The following NDC1 variants were observed in gnomAD, a reference collection of about 807,000 sequenced individuals.
NDC1 encodes the protein nucleoporin NDC1.
In NDC1, 24 loss-of-function variants were observed where a neutral mutation model predicts 89.8. That is an observed-to-expected ratio of 0.27 (90% confidence interval 0.19 to 0.38). NDC1 has a LOEUF of 0.38. Among genes scored for constraint, NDC1 ranks in the 10% least tolerant of loss-of-function variants. NDC1 has a pLI of 1.00. For missense variants in NDC1, 728 were observed against 797.6 expected, an observed-to-expected ratio of 0.91 and a Z score of 1.05; for synonymous variants, 296 against 284.8, an observed-to-expected ratio of 1.04 and a Z score of -0.39.
Position 53,832,605 on chromosome 1 carries a change from G to C in NDC1, c.179-14C>G. 7.4e-7 allele frequency: 1 copy of C among 1,353,960 alleles called. No individual in the cohort carries two copies. The highest frequency in any genetic ancestry group is 1.1e-6 in the Non-Finnish European group (1 of 946,984). 83.9% of individuals were successfully genotyped at this position (1,353,960 alleles called of 1,614,324 possible). The stretch of plus-strand genomic sequence containing the variant: ...CACTGAAAGAATCTAAAACACAAGA[G>C]AGATGAATTAGTAAAGGTTATTCAG... On this transcript the variant is annotated splice_polypyrimidine_tract_variant and intron_variant, in intron 2 of 17. Coordinates refer to ENST00000371429, the MANE Select transcript of NDC1 (RefSeq NM_018087.5).
At chr1:53,778,200 G>A (rs1647177364) in intron 16 of NDC1, among the ~76,000 whole-genome samples, 1 of 148,412 alleles carries the variant, frequency 6.7e-6, no homozygotes, top group Admixed American at 6.7e-5. Flanking sequence ...ATCCGATTAA[G>A]GGGATTCTAC....
intron 6 of NDC1, among the ~76,000 whole-genome samples, chr1:53,815,489 C>A (rs1345995257): frequency 1.3e-5 from 2 of 152,146 alleles, no homozygotes; most frequent in African/African-American, 4.8e-5. Flanking sequence ...AAGCCACAGC[C>A]AACATAACAC....
At chr1:53,772,663 T>TAACATAACAA (rs1647125807) in intron 16 of NDC1, among the ~76,000 whole-genome samples, 174 bp from the exon 17 acceptor site, 1 of 69,838 alleles carries the variant, frequency 1.4e-5, no homozygotes, top group African/African-American at 4.4e-5. Flanking sequence ...TGTCTCAAAA[T>TAACATAACAA]AACATAACAT....
rs778857470 is a variant in NDC1, at chr1:53,797,023, C to T, written c.1344G>A (p.Gly448=). ...TCATTACACTAGAGCCAAATGGGGT[C>T]CCAAATGGGCTCACAACATCAGGTG... The part of the protein sequence containing the change: ...LSTPDVVSPF[G]TPFGSSVMNR... Residue 448 remains glycine, a synonymous_variant, in exon 12 of 18, where the codon GGG becomes GGA. Transcript: ENST00000371429. The T allele has an allele frequency of 7.4e-6, 12 of 1,614,130 alleles. No individual in the cohort carries two copies. The highest frequency in any genetic ancestry group is 1.6e-4 in the Middle Eastern group (1 of 6,062).
intron 2 of NDC1, among the ~76,000 whole-genome samples, 173 bp downstream of exon 2, chr1:53,835,327 A>T (rs1228427502): frequency 2.0e-5 from 3 of 152,256 alleles, no homozygotes; most frequent in Non-Finnish European, 4.4e-5. Context: ...ATTACATAAT[A>T]AAAAGGTGAT....
chr1:53,826,661 C>CTT (rs1648874239), intron 4 of NDC1, among the ~76,000 whole-genome samples: 1 of 152,088 alleles, frequency 6.6e-6, no homozygotes, highest in Non-Finnish European at 1.5e-5. Flanking sequence ...TCTCAAACTC[C>CTT]TTTGAGAGTT....
chr1:53,836,536 C>A (rs555604587), intron 1 of NDC1, among the ~76,000 whole-genome samples: 1 of 151,890 alleles, frequency 6.6e-6, no homozygotes, highest in East Asian at 1.9e-4. Context: ...TCGCTCTGTC[C>A]CCCAGGCTAG....
In NDC1 at chr1:53,803,991, G is replaced by C; in HGVS notation, c.1003C>G (p.Leu335Val). 6.2e-7 allele frequency: 1 copy of C among 1,613,726 alleles called. No homozygotes were observed. The highest frequency in any genetic ancestry group is 8.5e-7 in the Non-Finnish European group (1 of 1,179,732). The change falls in exon 10 of 18, where the codon CTG becomes GTG. Residue 335 changes from leucine (L) to valine (V), a missense_variant. Physicochemically the swap from Leu to Val is conservative, Grantham distance 32. Coordinates refer to ENST00000371429, the MANE Select transcript of NDC1 (RefSeq NM_018087.5). ...PIIKYLALQD[L>V]MLLSQYSPSR... Reference sequence around the variant, plus strand: ...GGAGAATATTGAGAAAGCAACATCAGGTCCTGCAAGGCTAAATACTAACAG... The same window carrying C: ...GGAGAATATTGAGAAAGCAACATCACGTCCTGCAAGGCTAAATACTAACAG...
At chr1:53,809,816 A>G in intron 6 of NDC1, 70 bp from the exon 7 acceptor site, 1 of 1,184,436 alleles carries the variant, frequency 8.4e-7, no homozygotes, top group Non-Finnish European at 1.3e-6. Context: ...GCTTTAGAAT[A>G]TAAGGTCAAT....
intron 16 of NDC1, among the ~76,000 whole-genome samples, chr1:53,785,089 G>C (rs921820980): frequency 2.0e-5 from 3 of 152,114 alleles, no homozygotes; most frequent in Admixed American, 6.5e-5. Flanking sequence ...TGTGAGATCT[G>C]AGGTAAGTCA....
intron 3 of NDC1, among the ~76,000 whole-genome samples, chr1:53,831,656 A>G (rs1409632639): frequency 6.6e-6 from 1 of 151,888 alleles, no homozygotes; most frequent in Non-Finnish European, 1.5e-5. Context: ...CTGGCGACAG[A>G]GCGAGACTCT....
At chr1:53,821,509 A>G (rs903389535) in intron 5 of NDC1, among the ~76,000 whole-genome samples, 1 of 152,212 alleles carries the variant, frequency 6.6e-6, no homozygotes, top group African/African-American at 2.4e-5. Context: ...TGCTTCAATT[A>G]TATTGGTCTG....
At chr1:53,776,750 A>G (rs1647166641) in intron 16 of NDC1, among the ~76,000 whole-genome samples, 1 of 152,200 alleles carries the variant, frequency 6.6e-6, no homozygotes, top group Non-Finnish European at 1.5e-5. Context: ...ATTGTATTCA[A>G]TGAAAACTAA....
At chr1:53,782,435 G>A (rs1647219944) in intron 16 of NDC1, among the ~76,000 whole-genome samples, 2 of 152,128 alleles carry the variant, frequency 1.3e-5, no homozygotes, top group Non-Finnish European at 2.9e-5. Context: ...TGAAGGAATT[G>A]GTAATAAAGT....
intron 16 of NDC1, among the ~76,000 whole-genome samples, chr1:53,775,449 G>A (rs1017838163): frequency 1.3e-5 from 2 of 152,000 alleles, no homozygotes; most frequent in Non-Finnish European, 2.9e-5. Context: ...AGTAGAGATA[G>A]GGTTTCACCA....
chr1:53,798,123 G>A (rs560666726), intron 11 of NDC1, among the ~76,000 whole-genome samples: 38 of 142,758 alleles, frequency 2.7e-4, no homozygotes, highest in African/African-American at 9.2e-4. Context: ...CATTGCATTA[G>A]GATTCCATCT....
intron 16 of NDC1, among the ~76,000 whole-genome samples, chr1:53,779,211 G>C (rs1235764343): frequency 6.6e-6 from 1 of 151,396 alleles, no homozygotes; most frequent in African/African-American, 2.4e-5. Flanking sequence ...CACCTAGTAT[G>C]GGTCACACAT....
intron 14 of NDC1, among the ~76,000 whole-genome samples, chr1:53,792,132 C>T (rs183680619): frequency 1.8e-4 from 28 of 152,176 alleles, no homozygotes; most frequent in South Asian, 1.7e-3. Context: ...TTAGTAGAGA[C>T]AGGGTTTCAC....
chr1:53,838,127 C>T, intron 1 of NDC1, 78 bp downstream of exon 1: 1 of 1,386,388 alleles, frequency 7.2e-7, no homozygotes, highest in South Asian at 1.3e-5. Flanking sequence ...CCTCCCCCGC[C>T]CAGCGCGCAC....
Sources: allele counts gnomAD v4.1 joint callset (sites outside exome capture counted in the v4.1 genomes callset), GRCh38; gene constraint gnomAD v4.1.1; transcripts MANE v1.5; gene names NCBI Gene and HGNC (gene_info 2026-07-23, HGNC 2026-07-21).